PXMP4: variants seen among roughly 807,000 people sequenced by gnomAD.
PXMP4 encodes the protein peroxisomal membrane protein 4, also known as 24 kDa peroxisomal intrinsic membrane protein.
A neutral mutation model predicts 21.6 loss-of-function variants in PXMP4; 16 were observed. The observed-to-expected ratio is 0.74, with a 90% CI of 0.50 to 1.13. The LOEUF is 1.13. Ranked by LOEUF, PXMP4 falls within the 50% of genes most tolerant of loss-of-function variation. The pLI, the probability that PXMP4 is intolerant of heterozygous loss-of-function variation, is 0.00. For missense variants in PXMP4, 240 were observed against 277.7 expected (o/e 0.86, Z 0.96); for synonymous variants, 127 against 123.8 (o/e 1.03, Z -0.17).
chr20:33,714,026 G>A (rs1278553942), intron 2 of PXMP4, among the ~76,000 whole-genome samples: 1 of 152,146 alleles, frequency 6.6e-6, no homozygotes, highest in African/African-American at 2.4e-5. Flanking sequence ...GGCACTCCTG[G>A]CGGGGGTGCT....
intron 3 of PXMP4, among the ~76,000 whole-genome samples, chr20:33,709,405 G>C (rs2018297873): frequency 6.6e-6 from 1 of 152,282 alleles, no homozygotes; most frequent in South Asian, 2.1e-4. Context: ...GTCACAGAAT[G>C]AGAGACAGTT....
At chr20:33,717,639 C>CAAA (rs10666719) in intron 1 of PXMP4, among the ~76,000 whole-genome samples, 9 of 56,544 alleles carry the variant, frequency 1.6e-4, no homozygotes, top group African/African-American at 5.9e-4. Context: ...GACTCCGTCT[C>CAAA]AAAAAAAAAA....
In PXMP4 at chr20:33,707,847, C is replaced by A. The variant is rs1188472502; in HGVS notation, c.498G>T (p.Leu166=). Residue 166 remains leucine (L), a synonymous_variant, in exon 4 of 4, where the codon CTG becomes CTT. Transcript: ENST00000409299. The part of the protein sequence containing the change: ...FPLLTAVVWG[L]VLWLFEYHRS... ...GGTGATACTCAAAGAGCCACAGCACCAGCCCCCACACCACCGCAGTGAGCA... is the reference window on the plus strand; with the variant it reads ...GGTGATACTCAAAGAGCCACAGCACAAGCCCCCACACCACCGCAGTGAGCA... 1 of 1,614,128 alleles carries A rather than the reference C, an allele frequency of 6.2e-7. No individual in the cohort carries two copies. Among genetic ancestry groups the A allele is most frequent in the African/African-American group, 1.3e-5 (1 of 75,044 alleles).
Position 33,707,662 on chromosome 20 carries a change from A to G in PXMP4, c.*44T>C, listed in dbSNP as rs752754562. 1.3e-6 allele frequency: 2 copies of G among 1,599,208 alleles called. No individual in the cohort carries two copies. Among genetic ancestry groups the G allele is most frequent in the Non-Finnish European group, 8.5e-7 (1 of 1,170,270 alleles). ...GGCAGTATCCTTTGGGAGGGTCTGC[A>G]TGGGGCCAAATCTTGAGCCACAGCC... On this transcript the variant is annotated 3_prime_UTR_variant, in exon 4 of 4. Transcript: ENST00000409299.
chr20:33,704,231 G>A lies in PXMP4; in HGVS notation c.*3475C>T, dbSNP rs2018234573. On this transcript the variant is annotated 3_prime_UTR_variant, in exon 4 of 4. Coordinates refer to ENST00000409299, the MANE Select transcript of PXMP4 (RefSeq NM_007238.5). ...CCCTGAGTTTGTTTTCCAGCAACTAGACAGTCCCATCAAGGCGTGACGGGA... is the reference window on the plus strand; with the variant it reads ...CCCTGAGTTTGTTTTCCAGCAACTAAACAGTCCCATCAAGGCGTGACGGGA... 6.3e-6 allele frequency: 1 copy of A among 159,554 alleles called. No individual in the cohort carries two copies. Among genetic ancestry groups the A allele is most frequent in the South Asian group, 2.0e-4 (1 of 5,044 alleles). 9.9% of individuals were successfully genotyped at this position (159,554 alleles called of 1,614,324 possible).
At chr20:33,718,085 AC>A (rs769752523) in intron 1 of PXMP4, among the ~76,000 whole-genome samples, 3 of 152,146 alleles carry the variant, frequency 2.0e-5, no homozygotes, top group Non-Finnish European at 2.9e-5. Flanking sequence ...CCCTGGTCTT[AC>A]CAGGCTACAA....
Position 33,714,693 on chromosome 20 carries a change from A to G in PXMP4, c.157T>C (p.Phe53Leu). ...IRAPHALVMT[F>L]LFRNGSLQEK... ...GTGTACCTGCCATTCCGGAAGAGAA[A>G]GGTCATGACCAGCGCGTGAGGGGCC... Residue 53 changes from phenylalanine (F) to leucine (L), a missense_variant, in exon 2 of 4, where the codon TTT (phenylalanine) becomes CTT (leucine). Physicochemically the swap from Phe to Leu is conservative, Grantham distance 22. Transcript: ENST00000409299. 1 of 1,614,068 alleles carries G rather than the reference A, an allele frequency of 6.2e-7. No homozygotes were observed. The highest frequency in any genetic ancestry group is 1.1e-5 in the South Asian group (1 of 91,080).
rs1245326097 is a variant in PXMP4, at chr20:33,707,835, G to A, written c.510C>T (p.Leu170=). ...TAVVWGLVLW[L]FEYHRSTLQP... ...GCAGGGTGGATCGGTGATACTCAAA[G>A]AGCCACAGCACCAGCCCCCACACCA... Residue 170 remains leucine (L), a synonymous_variant, in exon 4 of 4, where the codon CTC becomes CTT. Transcript: ENST00000409299. 6.2e-7 allele frequency: 1 copy of A among 1,614,168 alleles called. No homozygotes were observed. The highest frequency in any genetic ancestry group is 1.7e-5 in the Admixed American group (1 of 59,976).
At chr20:33,711,928 G>C (rs926385190) in intron 2 of PXMP4, among the ~76,000 whole-genome samples, 1 of 151,540 alleles carries the variant, frequency 6.6e-6, no homozygotes, top group African/African-American at 2.4e-5. Flanking sequence ...GCAGTGAACT[G>C]TGATTGTGCC....
rs551176836 is a variant in PXMP4, at chr20:33,716,719, A to C, written c.114-1983T>G. ...ACATATAACATGTGCTTGATAAATA[A>C]CTGTTGACTGACCGATGCCAGAACA... On this transcript the variant is annotated intron_variant, in intron 1 of 3. Coordinates refer to ENST00000409299, the MANE Select transcript of PXMP4 (RefSeq NM_007238.5). 1.6e-3 allele frequency among the ~76,000 whole-genome samples: 241 copies of C among 152,316 alleles called. 1 individual carries two copies. Among genetic ancestry groups the C allele is most frequent in the African/African-American group, 5.7e-3 (238 of 41,568 alleles).
Position 33,714,663 on chromosome 20 carries a change from G to A in PXMP4, c.176+11C>T. 6.2e-7 allele frequency: 1 copy of A among 1,613,166 alleles called. No individual in the cohort carries two copies. Among genetic ancestry groups the A allele is most frequent in the East Asian group, 2.2e-5 (1 of 44,876 alleles). On this transcript the variant is annotated intron_variant, in intron 2 of 3. Coordinates refer to ENST00000409299, the MANE Select transcript of PXMP4 (RefSeq NM_007238.5). Reference sequence around the variant, plus strand: ...CTGACCACATTCTCTCCCAGTTTGAGGGATGTGTACCTGCCATTCCGGAAG... The same window carrying A: ...CTGACCACATTCTCTCCCAGTTTGAAGGATGTGTACCTGCCATTCCGGAAG...
intron 3 of PXMP4, among the ~76,000 whole-genome samples, chr20:33,708,285 C>G (rs1053267272): frequency 1.3e-5 from 2 of 151,304 alleles, no homozygotes; most frequent in Non-Finnish European, 1.5e-5. Flanking sequence ...CTCCTAGGTT[C>G]AAGTGATTCT....
At chr20:33,714,868 G>A in intron 1 of PXMP4, 132 bp from the exon 2 acceptor site, 1 of 862,260 alleles carries the variant, frequency 1.2e-6, no homozygotes. Context: ...AAATCATGCT[G>A]GATGCAAATC....
intron 1 of PXMP4, among the ~76,000 whole-genome samples, chr20:33,717,037 G>A (rs913429777): frequency 6.6e-6 from 1 of 152,100 alleles, no homozygotes; most frequent in African/African-American, 2.4e-5. Context: ...AATTAGCTGG[G>A]TGTGGTGGCA....
rs1007642051 is a variant in PXMP4 at position 33,718,540 on chromosome 20, A to T, written c.113+1555T>A. On this transcript the variant is annotated intron_variant, in intron 1 of 3. Coordinates refer to ENST00000409299, the MANE Select transcript of PXMP4 (RefSeq NM_007238.5). The stretch of plus-strand genomic sequence containing the variant: ...AAAAAAAAAAAAAAAAAAAAAAAAA[A>T]CTTGGCAAAAGGGTTACTGATGTTA... Among the ~76,000 whole-genome samples, 195 of 132,392 alleles carry T rather than the reference A, an allele frequency of 1.5e-3. 1 individual carries two copies. The highest frequency in any genetic ancestry group is 5.4e-3 in the African/African-American group (184 of 33,826). The allele number at this position is 132,392 out of a possible 152,430, so 86.9% of individuals were successfully genotyped here.
In PXMP4 at chr20:33,710,822, G is replaced by A. The variant is rs555140387; in HGVS notation, c.177-69C>T. ...GCCCCAAAGGGCTTTTACGCACTGG[G>A]CATGCCTAACAACCAGCCAAGGAGC... is the stretch of plus-strand genomic sequence containing the variant. On this transcript the variant is annotated intron_variant, in intron 2 of 3. Coordinates refer to ENST00000409299, the MANE Select transcript of PXMP4 (RefSeq NM_007238.5). 3.4e-5 allele frequency: 49 copies of A among 1,431,788 alleles called. No individual in the cohort carries two copies. In the East Asian group the frequency reaches 1.2e-3, roughly 34 times the overall value. 88.7% of individuals were successfully genotyped at this position (1,431,788 alleles called of 1,614,324 possible). A position where few individuals can be genotyped will look rare whatever the true frequency, so the allele number is the denominator to read the frequency against.
At chr20:33,709,442 T>C (rs986481426) in intron 3 of PXMP4, among the ~76,000 whole-genome samples, 1 of 152,200 alleles carries the variant, frequency 6.6e-6, no homozygotes, top group African/African-American at 2.4e-5. Flanking sequence ...TTTTCTTTTA[T>C]GAAAACCTTA....
intron 3 of PXMP4, among the ~76,000 whole-genome samples, chr20:33,709,994 C>T (rs1177498748): frequency 7.0e-6 from 1 of 142,688 alleles, no homozygotes; most frequent in Non-Finnish European, 1.5e-5. Context: ...TTCTGCCACT[C>T]AAAACTCTAC....
chr20:33,714,254 C>T (rs539791956), intron 2 of PXMP4, among the ~76,000 whole-genome samples: 3 of 152,182 alleles, frequency 2.0e-5, no homozygotes, highest in African/African-American at 7.2e-5. Context: ...GACTTTAGGG[C>T]CGGGCACGGT....
Sources: allele counts gnomAD v4.1 joint callset (sites outside exome capture counted in the v4.1 genomes callset), GRCh38; gene constraint gnomAD v4.1.1; transcripts MANE v1.5; gene names NCBI Gene and HGNC (gene_info 2026-07-23, HGNC 2026-07-21).